The following CTBP2 variants were observed in gnomAD, a reference collection of about 807,000 sequenced individuals.
CTBP2 encodes C-terminal binding protein 2.
Under a neutral mutation model 80.3 loss-of-function variants are expected in CTBP2, and 30 were observed. That is an observed-to-expected ratio of 0.37 (90% CI 0.28 to 0.51). The LOEUF (loss-of-function observed/expected upper bound fraction) is 0.51, where lower values mean the gene tolerates loss of function less well. Ranked by LOEUF, CTBP2 falls within the 20% of genes least tolerant of loss-of-function variation. CTBP2 has a pLI of 0.93. For synonymous variants in CTBP2, 594 were observed against 587.4 expected, an observed-to-expected ratio of 1.01 and a Z score of -0.16; for missense variants, 1,212 against 1,375.3, an observed-to-expected ratio of 0.88 and a Z score of 1.88.
intron 2 of CTBP2, among the ~76,000 whole-genome samples, chr10:125,096,909 C>T (rs1453435756): frequency 4.6e-5 from 7 of 152,026 alleles, no homozygotes; most frequent in Non-Finnish European, 8.8e-5. Context: ...ACTGTAGCAG[C>T]GAATTAACTC....
chr10:125,071,697 T>A (rs916083809), intron 2 of CTBP2, among the ~76,000 whole-genome samples: 1 of 152,136 alleles, frequency 6.6e-6, no homozygotes, highest in Non-Finnish European at 1.5e-5. Flanking sequence ...ATAAAACGCT[T>A]AGAAGAAAGA....
At chr10:125,011,274 AAC>A (rs1203077675) in intron 1 of CTBP2, among the ~76,000 whole-genome samples, 2 of 152,248 alleles carry the variant, frequency 1.3e-5, no homozygotes, top group African/African-American at 4.8e-5. Flanking sequence ...TGGCCACAGG[AAC>A]ACCCTGATAA....
chr10:125,098,750 CAGAGAGAGAGAGAGAGAG>C (rs1265217140), intron 2 of CTBP2, among the ~76,000 whole-genome samples: 68 of 75,500 alleles, frequency 9.0e-4, no homozygotes, highest in Admixed American at 1.8e-3. Context: ...GAGAGAGAGA[CAGAGAGAGAGAGAGAGAG>C]AGAGAGAGAG....
At chr10:125,036,386 A>G (rs1958870126) in intron 3 of CTBP2, among the ~76,000 whole-genome samples, 1 of 152,118 alleles carries the variant, frequency 6.6e-6, no homozygotes, top group Non-Finnish European at 1.5e-5. Flanking sequence ...GAGGGGACGA[A>G]TTTTAAGGAG....
At chr10:125,019,843 G>T (rs1476670891) in intron 1 of CTBP2, among the ~76,000 whole-genome samples, 1 of 152,156 alleles carries the variant, frequency 6.6e-6, no homozygotes, top group Admixed American at 6.5e-5. Flanking sequence ...TCAAGAAATT[G>T]AAAAAACAAC....
At chr10:125,159,644 G>A (rs991464266) in intron 1 of CTBP2, among the ~76,000 whole-genome samples, 3 of 150,256 alleles carry the variant, frequency 2.0e-5, no homozygotes, top group Non-Finnish European at 3.0e-5. Flanking sequence ...CGCCGGCAGG[G>A]GCAGCGCCCC....
At chr10:125,019,282 C>T (rs539298664) in intron 1 of CTBP2, among the ~76,000 whole-genome samples, 9 of 152,284 alleles carry the variant, frequency 5.9e-5, no homozygotes, top group East Asian at 3.9e-4. Context: ...ACATCGCTAA[C>T]GTGGGCTAAT....
chr10:125,044,047 A>ATGAGAGT (rs1244460290), intron 2 of CTBP2, among the ~76,000 whole-genome samples: 1 of 152,214 alleles, frequency 6.6e-6, no homozygotes, highest in African/African-American at 2.4e-5. Context: ...AGTGGGGCGC[A>ATGAGAGT]GACTTTCTGT....
chr10:125,160,175 G>C (rs1247610772), intron 1 of CTBP2, 144 bp downstream of exon 1: 3 of 150,388 alleles, frequency 2.0e-5, no homozygotes, highest in East Asian at 2.0e-4. Flanking sequence ...CTCGGATGCC[G>C]GCTCCGCGTC....
chr10:125,045,363 C>T (rs1960964767), intron 2 of CTBP2, among the ~76,000 whole-genome samples: 1 of 152,252 alleles, frequency 6.6e-6, no homozygotes, highest in East Asian at 1.9e-4. Context: ...AATATTGCTT[C>T]CTGATTATTT....
At chr10:125,031,487 T>TAAAAAAAA (rs1445636888), upstream of CTBP2, among the ~76,000 whole-genome samples, 56 of 12,012 alleles carry the variant, frequency 4.7e-3, 2 homozygotes, top group South Asian at 0.015. Flanking sequence ...AGACTCCATT[T>TAAAAAAAA]CAAAAAAAAA....
intron 2 of CTBP2, among the ~76,000 whole-genome samples, chr10:125,088,698 A>G (rs143513357): frequency 3.4e-4 from 51 of 152,186 alleles, no homozygotes; most frequent in Non-Finnish European, 6.3e-4. Flanking sequence ...GTTGGCTAGA[A>G]ATCAATAGCC....
In CTBP2 at chr10:124,984,810, G is replaced by C; in HGVS notation, c.*4708C>G. 6.2e-7 allele frequency: 1 copy of C among 1,613,948 alleles called. No individual in the cohort carries two copies. Among genetic ancestry groups the C allele is most frequent in the South Asian group, 1.1e-5 (1 of 91,054 alleles). On this transcript the variant is annotated 3_prime_UTR_variant, in exon 9 of 9. Transcript: ENST00000309035. ...GGAACAGCAAGAAAAACTGCTCAGG[G>C]AGTGGCTGGACTGCTGTGTGACGGA...
chr10:125,082,524 A>G (rs542247758), intron 2 of CTBP2, among the ~76,000 whole-genome samples: 1 of 151,562 alleles, frequency 6.6e-6, no homozygotes, highest in East Asian at 1.9e-4. Context: ...CCCCATGAGG[A>G]GAGTATGGTG....
At chr10:125,111,943 T>C (rs910509950) in intron 1 of CTBP2, among the ~76,000 whole-genome samples, 1 of 151,950 alleles carries the variant, frequency 6.6e-6, no homozygotes, top group African/African-American at 2.4e-5. Context: ...GGAGAGCCCA[T>C]GTATGAAGGT....
rs1590697913 is a variant in CTBP2, at chr10:125,090,204, C to T, written c.-102+20786G>A. ...ACACGGTGGCTCACACCTATAATCC[C>T]AGTACTTTAATAGGAAGAGGCTGCG... On this transcript the variant is annotated intron_variant, in intron 2 of 10. Transcript: ENST00000337195. 2.1e-5 allele frequency among the ~76,000 whole-genome samples: 3 copies of T among 145,810 alleles called. No homozygotes were observed. The South Asian group carries it at 6.4e-4, about 31-fold the overall frequency.
At chr10:125,008,488 CCTTGCAGGA>C (rs1955509851) in intron 1 of CTBP2, among the ~76,000 whole-genome samples, 1 of 152,232 alleles carries the variant, frequency 6.6e-6, no homozygotes, top group Non-Finnish European at 1.5e-5. Context: ...ACAGTAGTGG[CCTTGCAGGA>C]GGGAGCCTCT....
chr10:125,048,405 A>C (rs1961801175), intron 2 of CTBP2, among the ~76,000 whole-genome samples: 1 of 152,226 alleles, frequency 6.6e-6, no homozygotes, highest in Non-Finnish European at 1.5e-5. Context: ...CATGGATGAG[A>C]TGCTGCATTT....
intron 1 of CTBP2, chr10:125,005,767 C>G (rs1240933946): frequency 6.2e-7 from 1 of 1,612,804 alleles, no homozygotes; most frequent in African/African-American, 1.3e-5. Context: ...TACTTGAGGT[C>G]TGAGCGCACA....
Sources: allele counts gnomAD v4.1 joint callset (sites outside exome capture counted in the v4.1 genomes callset), GRCh38; gene constraint gnomAD v4.1.1; transcripts MANE v1.5; gene names NCBI Gene and HGNC (gene_info 2026-07-23, HGNC 2026-07-21).